The following SSBP3 variants were observed in gnomAD, a reference collection of about 807,000 sequenced individuals.
SSBP3 encodes the protein single stranded DNA binding protein 3.
A neutral mutation model predicts 69.6 loss-of-function variants in SSBP3; 5 were observed. The observed-to-expected ratio is 0.07, with a 90% CI of 0.04 to 0.15. SSBP3 has a LOEUF of 0.15. Ranked by LOEUF, SSBP3 falls within the 10% of genes least tolerant of loss-of-function variation. The pLI, the probability that SSBP3 is intolerant of heterozygous loss-of-function variation, is 1.00. For synonymous variants in SSBP3, 196 were observed against 193.4 expected, an observed-to-expected ratio of 1.01 and a Z score of -0.11; for missense variants, 312 against 534.0, an observed-to-expected ratio of 0.58 and a Z score of 4.10.
At chr1:54,402,275 G>T (rs1403759903) in intron 3 of SSBP3, among the ~76,000 whole-genome samples, 1 of 152,158 alleles carries the variant, frequency 6.6e-6, no homozygotes, top group Non-Finnish European at 1.5e-5. Flanking sequence ...AGCTCCAAGG[G>T]GTTAGTAGAA....
rs768789938 is a variant in SSBP3 at position 54,257,206 on chromosome 1, G to A, written c.448-20C>T. Reference sequence around the variant, plus strand: ...AAAAGGCTGCAATTATAGGTAATTAGTTCAATGACAGCCTGCCCTACTGCA... The same window carrying A: ...AAAAGGCTGCAATTATAGGTAATTAATTCAATGACAGCCTGCCCTACTGCA... On this transcript the variant is annotated intron_variant, in intron 6 of 17. Coordinates refer to ENST00000610401, the Ensembl canonical transcript of SSBP3. The A allele has an allele frequency of 1.3e-6, 2 of 1,587,500 alleles. No individual in the cohort carries two copies. The highest frequency in any genetic ancestry group is 2.3e-5 in the East Asian group (1 of 43,002).
chr1:54,398,983 A>G lies in SSBP3; in HGVS notation c.276+2878T>C, dbSNP rs111317435. On this transcript the variant is annotated intron_variant, in intron 4 of 17. Transcript: ENST00000610401. ...CTACTTGATTTTCTAAAAAGTAGTT[A>G]AGGCAACTAGTTAATTGACTTCAAA... is the stretch of plus-strand genomic sequence containing the variant. 4.7e-3 allele frequency among the ~76,000 whole-genome samples: 717 copies of G among 152,358 alleles called. 20 individuals are homozygous for G. The highest frequency in any genetic ancestry group is 0.041 in the South Asian group (196 of 4,832).
chr1:54,310,435 A>G (rs1645980481), intron 4 of SSBP3, among the ~76,000 whole-genome samples: 1 of 152,174 alleles, frequency 6.6e-6, no homozygotes, highest in African/African-American at 2.4e-5. Context: ...AGTTGGGTAC[A>G]CATAAGAAAA....
intron 4 of SSBP3, among the ~76,000 whole-genome samples, chr1:54,288,026 C>T (rs1029178171): frequency 9.2e-5 from 14 of 152,136 alleles, no homozygotes; most frequent in African/African-American, 2.7e-4. Flanking sequence ...ATGTGTCTCC[C>T]GGCACCAATG....
At chr1:54,364,728 G>A (rs546500225) in intron 4 of SSBP3, among the ~76,000 whole-genome samples, 10 of 152,208 alleles carry the variant, frequency 6.6e-5, no homozygotes, top group Admixed American at 1.3e-4. Context: ...CCAAAAGCAC[G>A]TGTGCTAATG....
chr1:54,233,478 G>A (rs1394115302), intron 14 of SSBP3, among the ~76,000 whole-genome samples: 1 of 151,296 alleles, frequency 6.6e-6, no homozygotes, highest in African/African-American at 2.5e-5. Flanking sequence ...CACACCGTCT[G>A]GGAGGGAGGT....
At position 54,370,232 on chromosome 1, in the gene SSBP3, C is replaced by T. The variant is rs190013053; in HGVS notation, c.276+31629G>A. Reference sequence around the variant, plus strand: ...GGGCTTCCAAATGGAATTCATTTACCGTCTGCATCCAACTTTCACTTATCT... The same window carrying T: ...GGGCTTCCAAATGGAATTCATTTACTGTCTGCATCCAACTTTCACTTATCT... On this transcript the variant is annotated intron_variant, in intron 4 of 17. Transcript: ENST00000610401. 1.6e-3 allele frequency among the ~76,000 whole-genome samples: 245 copies of T among 152,258 alleles called. 2 individuals are homozygous for T. Among genetic ancestry groups the T allele is most frequent in the African/African-American group, 5.5e-3 (230 of 41,546 alleles).
chr1:54,247,142 G>C (rs1250450454), intron 9 of SSBP3, among the ~76,000 whole-genome samples: 1 of 152,214 alleles, frequency 6.6e-6, no homozygotes, highest in Admixed American at 6.5e-5. Context: ...CAGCTGTCTG[G>C]GGCTGCAGCC....
chr1:54,233,223 T>A (rs1420771871), intron 14 of SSBP3, among the ~76,000 whole-genome samples: 3 of 147,862 alleles, frequency 2.0e-5, no homozygotes, highest in Non-Finnish European at 4.5e-5. Context: ...GGAGCGCCTC[T>A]GCCCCGCTGC....
chr1:54,291,141 AC>A (rs1480971285), intron 4 of SSBP3, among the ~76,000 whole-genome samples: 2 of 143,960 alleles, frequency 1.4e-5, no homozygotes, highest in Admixed American at 1.4e-4. Context: ...ACAGAAAACC[AC>A]CCGCTTCTAG....
rs1384279177 is a variant in SSBP3, at chr1:54,226,873, T to C, written c.*258A>G. The C allele has an allele frequency of 6.0e-6, 3 of 496,414 alleles. No homozygotes were observed. In the Admixed American group the frequency reaches 9.6e-5, roughly 16 times the overall value. The allele number at this position is 496,414 out of a possible 1,614,324, so 30.8% of individuals were successfully genotyped here. ...TTGGGGAAAGGGCAAGGGGTGGGATTTTTCTGGTCACTGACTTGAAATACA... is the reference window on the plus strand; with the variant it reads ...TTGGGGAAAGGGCAAGGGGTGGGATCTTTCTGGTCACTGACTTGAAATACA... On this transcript the variant is annotated 3_prime_UTR_variant, in exon 18 of 18. Coordinates refer to ENST00000610401, the Ensembl canonical transcript of SSBP3.
intron 4 of SSBP3, among the ~76,000 whole-genome samples, chr1:54,396,193 G>GAAAAAAAAAAAAAAAAAAAAAAAAAAA (rs59276509): frequency 5.2e-4 from 21 of 40,580 alleles, no homozygotes; most frequent in Non-Finnish European, 5.6e-4. Flanking sequence ...CTCCATCTCA[G>GAAAAAAAAAAAAAAAAAAAAAAAAAAA]AAAAAAAAAA....
intron 14 of SSBP3, among the ~76,000 whole-genome samples, chr1:54,233,100 T>G (rs1374466408): frequency 7.1e-6 from 1 of 141,100 alleles, no homozygotes; most frequent in East Asian, 2.1e-4. Context: ...GTGAGGAGCG[T>G]CTCCGCCCGG....
At chr1:54,240,673 C>T (rs1644617851) in intron 13 of SSBP3, among the ~76,000 whole-genome samples, 1 of 152,148 alleles carries the variant, frequency 6.6e-6, no homozygotes, top group South Asian at 2.1e-4. Context: ...CAACGAGAAT[C>T]CCTGTTCCTG....
At chr1:54,288,062 G>A (rs989726880) in intron 4 of SSBP3, among the ~76,000 whole-genome samples, 5 of 152,312 alleles carry the variant, frequency 3.3e-5, no homozygotes, top group Admixed American at 2.6e-4. Flanking sequence ...AACAGTAGAT[G>A]CCCCAAGCTA....
intron 4 of SSBP3, among the ~76,000 whole-genome samples, chr1:54,393,499 G>T (rs1194566677): frequency 1.3e-5 from 2 of 152,266 alleles, no homozygotes; most frequent in Admixed American, 1.3e-4. Context: ...TAAGAAAAAT[G>T]ACAGCACAGG....
At chr1:54,261,329 A>G (rs1645014549) in intron 5 of SSBP3, among the ~76,000 whole-genome samples, 1 of 152,228 alleles carries the variant, frequency 6.6e-6, no homozygotes, top group Admixed American at 6.5e-5. Flanking sequence ...CCCAGCCTGC[A>G]TTCTCAACAA....
intron 4 of SSBP3, among the ~76,000 whole-genome samples, chr1:54,345,740 C>T (rs973887532): frequency 1.3e-5 from 2 of 152,104 alleles, no homozygotes; most frequent in African/African-American, 4.8e-5. Flanking sequence ...TGAGGCTGGG[C>T]GCGGTGGCTT....
chr1:54,272,747 C>A (rs775402756), intron 5 of SSBP3, among the ~76,000 whole-genome samples: 8 of 152,198 alleles, frequency 5.3e-5, no homozygotes, highest in Non-Finnish European at 1.0e-4. Context: ...AAAATCACTC[C>A]ATTCTAAGAA....
Sources: gnomAD v4.1 joint callset for allele counts (sites outside exome capture counted in the v4.1 genomes callset) on GRCh38, gnomAD v4.1.1 for gene constraint, MANE v1.5 for transcripts, NCBI Gene and HGNC (gene_info 2026-07-23, HGNC 2026-07-21) for gene names.